SRGAP3: variants seen among roughly 807,000 people sequenced by gnomAD.
SRGAP3 encodes SLIT-ROBO Rho GTPase-activating protein 3.
Under a neutral mutation model 121.1 loss-of-function variants are expected in SRGAP3, and 39 were observed. The observed-to-expected ratio is 0.32, with a 90% CI of 0.25 to 0.42. SRGAP3 has a LOEUF of 0.42. SRGAP3 is among the 10% of genes least tolerant of loss of function. The probability of loss-of-function intolerance (pLI) is 1.00; values close to 1 mark genes in which losing one functional copy is unlikely to be tolerated. For missense variants in SRGAP3, 1,213 were observed against 1,470.6 expected (o/e 0.82, Z 2.86); for synonymous variants, 601 against 570.0 (o/e 1.05, Z -0.77).
intron 1 of SRGAP3, among the ~76,000 whole-genome samples, chr3:9,136,715 T>G (rs1388041380): frequency 6.6e-6 from 1 of 152,230 alleles, no homozygotes; most frequent in Non-Finnish European, 1.5e-5. Flanking sequence ...GGAAAGGGGC[T>G]GCCTGAATCA....
chr3:9,200,911 C>T (rs193027085), intron 1 of SRGAP3, among the ~76,000 whole-genome samples: 2 of 152,290 alleles, frequency 1.3e-5, no homozygotes, highest in East Asian at 3.9e-4. Flanking sequence ...CAGAATGGCA[C>T]TTTCCAAACA....
upstream of SRGAP3, among the ~76,000 whole-genome samples, chr3:9,252,506 T>TAGGAC (rs1363193693): frequency 6.6e-6 from 1 of 151,842 alleles, no homozygotes; most frequent in Non-Finnish European, 1.5e-5. Flanking sequence ...AAGCCAGACC[T>TAGGAC]AGGACTAGAG....
intron 4 of SRGAP3, among the ~76,000 whole-genome samples, chr3:9,075,084 C>A (rs966082918): frequency 2.0e-5 from 3 of 152,196 alleles, no homozygotes; most frequent in Non-Finnish European, 4.4e-5. Context: ...TTTAGCCGAA[C>A]AGTGAAAACA....
At chr3:8,988,322 C>T (rs1419975770) in intron 21 of SRGAP3, among the ~76,000 whole-genome samples, 3 of 152,204 alleles carry the variant, frequency 2.0e-5, no homozygotes, top group Non-Finnish European at 2.9e-5. Context: ...GGTCACTCGG[C>T]CTACTACCTG....
intron 1 of SRGAP3, among the ~76,000 whole-genome samples, chr3:9,133,096 T>C (rs1949520176): frequency 6.6e-6 from 1 of 150,786 alleles, no homozygotes. Context: ...AATTTACATA[T>C]ATAGAATGTT....
intron 14 of SRGAP3, among the ~76,000 whole-genome samples, chr3:9,019,749 A>C (rs1248272131): frequency 6.6e-6 from 1 of 152,226 alleles, no homozygotes; most frequent in Non-Finnish European, 1.5e-5. Flanking sequence ...CAAGGCTTGC[A>C]GTGTACAGAG....
chr3:9,188,857 G>A (rs1232076179), intron 1 of SRGAP3, among the ~76,000 whole-genome samples: 1 of 152,080 alleles, frequency 6.6e-6, no homozygotes, highest in Non-Finnish European at 1.5e-5. Context: ...ACTGCTCCCT[G>A]CTCCCCTGCC....
intron 4 of SRGAP3, among the ~76,000 whole-genome samples, chr3:9,077,399 T>C (rs1359950565): frequency 6.6e-6 from 1 of 152,116 alleles, no homozygotes; most frequent in Non-Finnish European, 1.5e-5. Context: ...TCTGAGTAAC[T>C]ACTAAAGACT....
At chr3:9,183,970 G>C (rs535301998) in intron 1 of SRGAP3, among the ~76,000 whole-genome samples, 10 of 152,060 alleles carry the variant, frequency 6.6e-5, no homozygotes, top group Admixed American at 2.6e-4. Context: ...CAGCTTGCAA[G>C]CTCCTCGCCT....
chr3:9,249,010 G>A lies in SRGAP3; in HGVS notation c.-59C>T. The A allele has an allele frequency of 4.5e-6, 7 of 1,545,568 alleles. No individual in the cohort carries two copies. Among genetic ancestry groups the A allele is most frequent in the African/African-American group, 1.4e-5 (1 of 73,464 alleles). On this transcript the variant is annotated 5_prime_UTR_variant, in exon 1 of 22. Coordinates refer to ENST00000383836, the MANE Select transcript of SRGAP3 (RefSeq NM_014850.4). The stretch of plus-strand genomic sequence containing the variant: ...TTGATTTATTTCTCCTTTTCTTTTC[G>A]AGTCCTCTCTCAAGCCCTGGTAATC...
In SRGAP3 at chr3:8,985,671, C is replaced by T. The variant is rs764755283; in HGVS notation, c.3148G>A (p.Ala1050Thr). The change falls in exon 22 of 22, where the codon GCC becomes ACC. Residue 1050 changes from alanine to threonine, a missense_variant. Around this residue, in one of 2 missense-constraint regions of SRGAP3, gnomAD observed 420 missense variants for 437.7 expected, o/e 0.96. Transcript: ENST00000383836. The surrounding 1 kb of genome is among the most constrained non-coding windows in gnomAD (Gnocchi z 5.1). ...CGCATGGGGGGCGGGCGGAGCTGGG[C>T]GCCAGCCAGGCGGGCGGACAGGGCT... ...KPALSARLAG[A>T]QLRPPPMRPV... 3.1e-6 allele frequency: 5 copies of T among 1,596,452 alleles called. No individual in the cohort carries two copies. Among genetic ancestry groups the T allele is most frequent in the African/African-American group, 1.3e-5 (1 of 74,714 alleles).
chr3:9,122,926 G>A (rs1323490555), intron 2 of SRGAP3, among the ~76,000 whole-genome samples: 2 of 152,134 alleles, frequency 1.3e-5, no homozygotes, highest in Non-Finnish European at 2.9e-5. Context: ...CAGGAAGGTG[G>A]ACGCGACCCA....
intron 14 of SRGAP3, among the ~76,000 whole-genome samples, chr3:9,017,096 C>T (rs539367873): frequency 7.9e-5 from 12 of 152,234 alleles, no homozygotes; most frequent in East Asian, 3.9e-4. Flanking sequence ...ATTTCTCCAG[C>T]GGGCTCTGTT....
chr3:9,236,284 T>C, intron 1 of SRGAP3: 1 of 173,222 alleles, frequency 5.8e-6, no homozygotes, highest in Non-Finnish European at 1.3e-5. Flanking sequence ...CCTGGTAAAG[T>C]TGAAACTTCA....
chr3:8,985,142 G>T lies in SRGAP3; in HGVS notation c.*377C>A, dbSNP rs1272841573. The T allele has an allele frequency of 1.2e-5, 4 of 329,288 alleles. No homozygotes were observed. Among genetic ancestry groups the T allele is most frequent in the Non-Finnish European group, 1.7e-5 (3 of 178,994 alleles). The allele number at this position is 329,288 out of a possible 1,614,324, so 20.4% of individuals were successfully genotyped here. On this transcript the variant is annotated 3_prime_UTR_variant, in exon 22 of 22. Coordinates refer to ENST00000383836, the MANE Select transcript of SRGAP3 (RefSeq NM_014850.4). The surrounding 1 kb of genome is among the most constrained non-coding windows in gnomAD (Gnocchi z 5.1). ...TACAGACACGTACATACGTATACAT[G>T]TGTATATATGCACACATCGATATAC...
chr3:9,076,532 T>C (rs2125252511), intron 4 of SRGAP3, among the ~76,000 whole-genome samples: 1 of 152,284 alleles, frequency 6.6e-6, no homozygotes. Context: ...CTGTCTGTGA[T>C]CAGTGTGCAC....
intron 3 of SRGAP3, among the ~76,000 whole-genome samples, chr3:9,276,381 C>T (rs956549962): frequency 3.9e-5 from 6 of 151,902 alleles, no homozygotes; most frequent in Non-Finnish European, 7.4e-5. Flanking sequence ...GCATCCAGAC[C>T]CTGACTGTCT....
chr3:9,282,731 C>T (rs2125266059), intron 3 of SRGAP3, among the ~76,000 whole-genome samples: 1 of 152,274 alleles, frequency 6.6e-6, no homozygotes, highest in South Asian at 2.1e-4. Flanking sequence ...ATTCGCCCAC[C>T]TCAGCCTCCC....
At chr3:9,064,677 C>T (rs2125209996) in intron 4 of SRGAP3, 96 bp from the exon 5 acceptor site, 2 of 1,448,026 alleles carry the variant, frequency 1.4e-6, no homozygotes, top group Non-Finnish European at 1.9e-6. Context: ...TACACTCTAG[C>T]TGGCCACTGC....
Sources: allele counts gnomAD v4.1 joint callset (sites outside exome capture counted in the v4.1 genomes callset), GRCh38; gene constraint gnomAD v4.1.1; regional missense constraint gnomAD v4.1.1; non-coding constraint Gnocchi (gnomAD v3.1); transcripts MANE v1.5; gene names NCBI Gene and HGNC (gene_info 2026-07-23, HGNC 2026-07-21).